EIF2B3: variants seen among roughly 807,000 people sequenced by gnomAD.
EIF2B3 encodes translation initiation factor eIF2B subunit gamma.
EIF2B3 carries 20 observed loss-of-function variants against 54.1 expected under a neutral mutation model. That is an observed-to-expected ratio of 0.37 (90% CI 0.26 to 0.54). The LOEUF (loss-of-function observed/expected upper bound fraction) is 0.54. Among genes scored for constraint, EIF2B3 ranks in the 20% least tolerant of loss-of-function variants. EIF2B3 has a pLI of 0.86. For synonymous variants in EIF2B3, 153 were observed against 188.1 expected (o/e 0.81, Z 1.52); for missense variants, 448 against 547.8 (o/e 0.82, Z 1.82).
At chr1:44,875,790 C>A in intron 8 of EIF2B3, 95 bp from the exon 9 acceptor site, 1 of 960,564 alleles carries the variant, frequency 1.0e-6, no homozygotes, top group Admixed American at 1.9e-5. Flanking sequence ...CCCCTCCCCA[C>A]GGTCTCCCTC....
At chr1:44,896,536 C>T (rs1365180556) in intron 6 of EIF2B3, among the ~76,000 whole-genome samples, 9 of 152,200 alleles carry the variant, frequency 5.9e-5, no homozygotes, top group Admixed American at 3.3e-4. Context: ...GTCGGAGATA[C>T]CTCTTGCTAC....
At chr1:44,868,289 T>C (rs539259295) in intron 10 of EIF2B3, among the ~76,000 whole-genome samples, 68 of 149,200 alleles carry the variant, frequency 4.6e-4, no homozygotes, top group Non-Finnish European at 7.4e-4. Context: ...TCCCAGCTAC[T>C]CAGGAGGCTG....
chr1:44,966,311 T>C (rs1173766126), intron 3 of EIF2B3, among the ~76,000 whole-genome samples: 1 of 151,204 alleles, frequency 6.6e-6, no homozygotes, highest in East Asian at 1.9e-4. Context: ...TGGTGGCGGG[T>C]GCCTGTAGTC....
chr1:44,901,368 G>A (rs1394106114), intron 5 of EIF2B3, among the ~76,000 whole-genome samples: 5 of 151,862 alleles, frequency 3.3e-5, no homozygotes, highest in East Asian at 3.9e-4. Context: ...CACCCGCCTC[G>A]GCCTCCCAAA....
At chr1:44,877,066 C>T (rs890834177) in intron 8 of EIF2B3, among the ~76,000 whole-genome samples, 1 of 150,640 alleles carries the variant, frequency 6.6e-6, no homozygotes, top group African/African-American at 2.5e-5. Context: ...TGCGGAAGGC[C>T]ACAGGGTCCT....
intron 5 of EIF2B3, among the ~76,000 whole-genome samples, chr1:44,908,169 G>T (rs1643450567): frequency 1.3e-5 from 2 of 152,134 alleles, no homozygotes; most frequent in Admixed American, 1.3e-4. Flanking sequence ...TGACACTCTG[G>T]CTCCATTAAT....
intron 6 of EIF2B3, among the ~76,000 whole-genome samples, chr1:44,891,412 C>G (rs1238692011): frequency 6.6e-6 from 1 of 152,174 alleles, no homozygotes; most frequent in Non-Finnish European, 1.5e-5. Context: ...CAGGCATGAG[C>G]CACCGCACCC....
chr1:44,865,550 A>C (rs1654745180), intron 10 of EIF2B3, among the ~76,000 whole-genome samples: 1 of 151,264 alleles, frequency 6.6e-6, no homozygotes, highest in Admixed American at 6.6e-5. Flanking sequence ...CTCATCCACA[A>C]ATTTTCTTCT....
intron 3 of EIF2B3, chr1:44,959,136 C>G (rs188808816): frequency 1.1e-5 from 8 of 749,938 alleles, no homozygotes; most frequent in Admixed American, 1.0e-4. Context: ...GTGAAGGCAC[C>G]CTTGAACCAT....
At chr1:44,898,847 C>T (rs986062403) in intron 5 of EIF2B3, among the ~76,000 whole-genome samples, 1 of 152,106 alleles carries the variant, frequency 6.6e-6, no homozygotes, top group Non-Finnish European at 1.5e-5. Context: ...TGCATCACTA[C>T]AGCTGGCTAA....
intron 5 of EIF2B3, among the ~76,000 whole-genome samples, chr1:44,911,486 C>T (rs553642912): frequency 1.3e-5 from 2 of 152,194 alleles, no homozygotes; most frequent in Non-Finnish European, 1.5e-5. Flanking sequence ...TATCACCTCA[C>T]CTCTGACTAG....
rs1447813119 is a variant in EIF2B3 at position 44,881,347 on chromosome 1, A to G, written c.784+265T>C. On this transcript the variant is annotated intron_variant, in intron 7 of 11. Transcript: ENST00000360403. This position sits in a 1 kb window ranked among gnomAD's most constrained non-coding sequence, Gnocchi z 4.0. ...GTGGAGTTTAAAGGCAAAATGGTCT[A>G]GTGAGGAACACAGCCAAACCAGAGC... Among the ~76,000 whole-genome samples the G allele has an allele frequency of 6.6e-6, 1 of 152,254 alleles. No homozygotes were observed. The highest frequency in any genetic ancestry group is 2.4e-5 in the African/African-American group (1 of 41,468).
At chr1:44,982,297 T>C (rs1412079487) in intron 1 of EIF2B3, among the ~76,000 whole-genome samples, 1 of 152,168 alleles carries the variant, frequency 6.6e-6, no homozygotes, top group Non-Finnish European at 1.5e-5. Context: ...CATAAATCTT[T>C]ATTTATGTAT....
At chr1:44,971,306 C>T (rs981713194) in intron 3 of EIF2B3, among the ~76,000 whole-genome samples, 1 of 151,500 alleles carries the variant, frequency 6.6e-6, no homozygotes, top group Non-Finnish European at 1.5e-5. Context: ...TGGCGTGAAC[C>T]CAGGAGGCAG....
chr1:44,897,469 A>G lies in EIF2B3; in HGVS notation c.567-25T>C. On this transcript the variant is annotated intron_variant, in intron 5 of 11. Coordinates refer to ENST00000360403, the MANE Select transcript of EIF2B3 (RefSeq NM_020365.5). Reference sequence around the variant, plus strand: ...CCTGCAAAAAAATAAAAAATAAAAGAAAGAAAGAAGAGGCTCACAATCAGG... The same window carrying G: ...CCTGCAAAAAAATAAAAAATAAAAGGAAGAAAGAAGAGGCTCACAATCAGG... 5 of 1,556,802 alleles carry G rather than the reference A, an allele frequency of 3.2e-6. No homozygotes were observed. The South Asian group carries it at 4.6e-5, about 14-fold the overall frequency.
In EIF2B3 at chr1:44,911,095, T is replaced by G. The variant is rs116163738; in HGVS notation, c.567-13651A>C. Among the ~76,000 whole-genome samples the G allele has an allele frequency of 9.2e-3, 1,406 of 152,304 alleles. 24 individuals carry two copies. The highest frequency in any genetic ancestry group is 0.032 in the African/African-American group (1,328 of 41,580). ...CCTCCATCTTTGGAAATTCAGCGTT[T>G]TAAAAAAGATAAAAACAGAAGGAAG... is the stretch of plus-strand genomic sequence containing the variant. On this transcript the variant is annotated intron_variant, in intron 5 of 11. Coordinates refer to ENST00000360403, the MANE Select transcript of EIF2B3 (RefSeq NM_020365.5).
In EIF2B3 at chr1:44,851,364, CA is replaced by C. The variant is rs1654262827; in HGVS notation, c.1307-362del. Among the ~76,000 whole-genome samples the C allele has an allele frequency of 3.3e-5, 5 of 152,154 alleles. 1 individual carries two copies. In the South Asian group the frequency reaches 1.0e-3, roughly 31 times the overall value. The stretch of plus-strand genomic sequence containing the variant: ...ACAGGTATGAGCCACCACGCCCAGC[CA>C]AACCCAACTGCTTCTAATTCTGTGT... On this transcript the variant is annotated intron_variant, in intron 11 of 11. Coordinates refer to ENST00000360403, the MANE Select transcript of EIF2B3 (RefSeq NM_020365.5).
chr1:44,895,631 C>T (rs186565877), intron 6 of EIF2B3, among the ~76,000 whole-genome samples: 6 of 151,806 alleles, frequency 4.0e-5, no homozygotes, highest in Admixed American at 3.3e-4. Context: ...AATATATTTA[C>T]AGATGAAATT....
intron 4 of EIF2B3, among the ~76,000 whole-genome samples, chr1:44,939,923 A>C (rs1486890427): frequency 2.0e-5 from 3 of 152,174 alleles, no homozygotes; most frequent in African/African-American, 7.2e-5. Context: ...CTGTGTAGGC[A>C]GAAAAGAATG....
Sources: allele counts gnomAD v4.1 joint callset (sites outside exome capture counted in the v4.1 genomes callset), GRCh38; gene constraint gnomAD v4.1.1; non-coding constraint Gnocchi (gnomAD v3.1); transcripts MANE v1.5; gene names NCBI Gene and HGNC (gene_info 2026-07-23, HGNC 2026-07-21).